EFHC2: variants seen among roughly 807,000 people sequenced by gnomAD.
EFHC2 encodes EF-hand domain containing 2, also known as EF-hand domain-containing family member C2.
EFHC2 carries 18 observed loss-of-function variants against 52.7 expected under a neutral mutation model. The observed-to-expected ratio is 0.34, with a 90% CI of 0.24 to 0.51. The LOEUF is 0.51. Among genes scored for constraint, EFHC2 ranks in the 20% least tolerant of loss-of-function variants. The pLI is 0.97. For missense variants in EFHC2, 513 were observed against 562.5 expected (o/e 0.91, Z 0.89); for synonymous variants, 203 against 204.1 (o/e 0.99, Z 0.04).
chrX:44,212,907 G>A (rs1009900413), intron 11 of EFHC2, among the ~76,000 whole-genome samples: 23 of 107,292 alleles, frequency 2.1e-4, no homozygotes, highest in Admixed American at 6.0e-4. Context: ...TAGAGACAGC[G>A]TTTCACCATG....
At chrX:44,286,193 T>A (rs1172276425) in intron 2 of EFHC2, 3 of 114,768 alleles carry the variant, frequency 2.6e-5, no homozygotes, top group African/African-American at 9.7e-5. Flanking sequence ...TGTGTCGCTC[T>A]CCCACACCTT....
At chrX:44,178,691 ATT>A in intron 11 of EFHC2, 127 bp from the exon 12 acceptor site, 1 of 510,915 alleles carries the variant, frequency 2.0e-6, no homozygotes, top group Non-Finnish European at 2.9e-6. Flanking sequence ...AGGTCATGTG[ATT>A]TTTTTAACTT....
intron 11 of EFHC2, among the ~76,000 whole-genome samples, chrX:44,196,000 C>T (rs1251146281): frequency 8.9e-6 from 1 of 111,876 alleles, no homozygotes; most frequent in Non-Finnish European, 1.9e-5. Flanking sequence ...CCTGCAGCCT[C>T]GACCTCCCCA....
At position 44,343,648 on chromosome X, in the gene EFHC2, C is replaced by T. The variant is rs1440356506; in HGVS notation, c.-60G>A. The T allele has an allele frequency of 1.7e-6, 2 of 1,147,319 alleles. No homozygotes were observed. Among genetic ancestry groups the T allele is most frequent in the Admixed American group, 2.6e-5 (1 of 38,639 alleles). 94.6% of individuals were successfully genotyped at this position (1,147,319 alleles called of 1,213,427 possible). On this transcript the variant is annotated 5_prime_UTR_variant, in exon 1 of 15. Transcript: ENST00000420999. ...GAGAGGGCCCGGCAGGCAGCGGCGC[C>T]TCCCGGCCGTGTTGTTTGGCCCCCA...
intron 4 of EFHC2, among the ~76,000 whole-genome samples, chrX:44,259,821 T>A (rs1051333050): frequency 3.6e-5 from 4 of 111,662 alleles, no homozygotes; most frequent in African/African-American, 1.3e-4. Flanking sequence ...AATCCCTTTG[T>A]ACATCAATAT....
intron 11 of EFHC2, among the ~76,000 whole-genome samples, chrX:44,226,427 T>A (rs1436673315): frequency 9.0e-6 from 1 of 111,395 alleles, no homozygotes; most frequent in Non-Finnish European, 1.9e-5. Flanking sequence ...AGCCAACACC[T>A]GGTCTGGACT....
At chrX:44,203,065 T>C (rs1388094739) in intron 11 of EFHC2, among the ~76,000 whole-genome samples, 1 of 111,628 alleles carries the variant, frequency 9.0e-6, no homozygotes, top group African/African-American at 3.3e-5. Flanking sequence ...GGTGGCTCCA[T>C]TCCCCCTGAA....
chrX:44,263,152 CA>C (rs1569296542), intron 3 of EFHC2, among the ~76,000 whole-genome samples: 1 of 111,952 alleles, frequency 8.9e-6, no homozygotes, highest in Non-Finnish European at 1.9e-5. Flanking sequence ...ACTCCAAGAA[CA>C]AAGAGAAAAG....
rs902689091 is a variant in EFHC2 at position 44,278,448 on chromosome X, A to T, written c.232-5612T>A. Among the ~76,000 whole-genome samples, 7 of 112,074 alleles carry T rather than the reference A, an allele frequency of 6.2e-5. No homozygotes were observed. In the East Asian group the frequency reaches 1.7e-3, roughly 27 times the overall value. On this transcript the variant is annotated intron_variant, in intron 2 of 14. Transcript: ENST00000420999. ...TCAGAACCTTGGGGAGGGGACTATT[A>T]CTATTTTTTAAAAGCTACTGATGGG... is the stretch of plus-strand genomic sequence containing the variant.
chrX:44,198,605 G>A (rs1056674372), intron 11 of EFHC2, among the ~76,000 whole-genome samples: 7 of 111,549 alleles, frequency 6.3e-5, no homozygotes, highest in African/African-American at 2.3e-4. Flanking sequence ...AAAACAGAGA[G>A]AAATGTCCCC....
At chrX:44,324,060 T>C (rs567740615) in intron 1 of EFHC2, among the ~76,000 whole-genome samples, 4 of 111,252 alleles carry the variant, frequency 3.6e-5, no homozygotes, top group African/African-American at 9.8e-5. Flanking sequence ...AGATTGGAAA[T>C]TATGGCTTAG....
chrX:44,278,905 T>C (rs947713925), intron 2 of EFHC2, among the ~76,000 whole-genome samples: 2 of 112,236 alleles, frequency 1.8e-5, no homozygotes, highest in Non-Finnish European at 3.8e-5. Context: ...TGCTTTTCTC[T>C]TGTTAATCTG....
At chrX:44,307,496 G>A (rs1196593899) in intron 2 of EFHC2, among the ~76,000 whole-genome samples, 1 of 111,641 alleles carries the variant, frequency 9.0e-6, no homozygotes, top group Non-Finnish European at 1.9e-5. Flanking sequence ...CATAAATGAT[G>A]AAGGAAACTA....
At chrX:44,173,827 G>A (rs1477254121) in intron 13 of EFHC2, among the ~76,000 whole-genome samples, 1 of 112,040 alleles carries the variant, frequency 8.9e-6, no homozygotes, top group Non-Finnish European at 1.9e-5. Context: ...GAGAGAATGA[G>A]AGGATGATGA....
At chrX:44,203,271 G>T (rs891936999) in intron 11 of EFHC2, among the ~76,000 whole-genome samples, 1 of 110,043 alleles carries the variant, frequency 9.1e-6, no homozygotes, top group Non-Finnish European at 1.9e-5. Flanking sequence ...AAGCAAGCCC[G>T]TGTCTGCTTG....
chrX:44,292,049 G>GT (rs1448813536), intron 2 of EFHC2, among the ~76,000 whole-genome samples: 3 of 111,554 alleles, frequency 2.7e-5, no homozygotes, highest in Non-Finnish European at 3.8e-5. Context: ...TAATCATGGA[G>GT]TTTTATAAAC....
chrX:44,161,334 G>C (rs1253994404), intron 14 of EFHC2, among the ~76,000 whole-genome samples: 1 of 111,591 alleles, frequency 9.0e-6, no homozygotes, highest in Admixed American at 9.5e-5. Flanking sequence ...AAACCAATAG[G>C]GGCTAGTCCC....
chrX:44,211,409 T>C (rs2037094121), intron 11 of EFHC2, among the ~76,000 whole-genome samples: 1 of 110,674 alleles, frequency 9.0e-6, no homozygotes, highest in Admixed American at 9.6e-5. Flanking sequence ...GCACCTGTAG[T>C]TCCATCTACT....
chrX:44,293,782 G>T (rs764984375), intron 2 of EFHC2, among the ~76,000 whole-genome samples: 1 of 111,922 alleles, frequency 8.9e-6, no homozygotes, highest in East Asian at 2.8e-4. Context: ...ATGCTTCACA[G>T]TTACACTGCT....
Sources: gnomAD v4.1 joint callset for allele counts (sites outside exome capture counted in the v4.1 genomes callset) on GRCh38, gnomAD v4.1.1 for gene constraint, MANE v1.5 for transcripts, NCBI Gene and HGNC (gene_info 2026-07-23, HGNC 2026-07-21) for gene names.